Variants in CTNNA2 observed in about 807,000 individuals in gnomAD.
The protein encoded by CTNNA2 is catenin alpha 2, also known as catenin alpha-2.
Under a neutral mutation model 101.0 loss-of-function variants are expected in CTNNA2, and 42 were observed. The ratio of observed to expected loss-of-function variants is 0.42; its 90% CI spans 0.32 to 0.54. The LOEUF (loss-of-function observed/expected upper bound fraction) is 0.54, where lower values mean the gene tolerates loss of function less well. CTNNA2 is among the 20% of genes least tolerant of loss of function. CTNNA2 has a pLI of 0.14. For missense variants in CTNNA2, 871 were observed against 1,223.1 expected (o/e 0.71, Z 4.29); for synonymous variants, 450 against 456.4 (o/e 0.99, Z 0.18).
At chr2:79,925,949 C>A (rs35110775) in intron 7 of CTNNA2, among the ~76,000 whole-genome samples, 1 of 151,602 alleles carries the variant, frequency 6.6e-6, no homozygotes, top group Non-Finnish European at 1.5e-5. Context: ...TTTAGATTTT[C>A]GGCCAATCTG....
At chr2:79,193,639 C>A (rs1213595194) in intron 1 of CTNNA2, among the ~76,000 whole-genome samples, 2 of 152,138 alleles carry the variant, frequency 1.3e-5, no homozygotes, top group Non-Finnish European at 2.9e-5. Flanking sequence ...TTTTGACCTC[C>A]AATTTCAAAT....
At chr2:79,365,792 T>C (rs1328213423) in intron 3 of CTNNA2, among the ~76,000 whole-genome samples, 1 of 152,176 alleles carries the variant, frequency 6.6e-6, no homozygotes, top group African/African-American at 2.4e-5. Context: ...CAACTTTGCT[T>C]TGTACACTCT....
intron 9 of CTNNA2, among the ~76,000 whole-genome samples, chr2:80,462,682 T>G (rs1388056817): frequency 2.8e-5 from 4 of 142,010 alleles, no homozygotes; most frequent in African/African-American, 1.1e-4. Flanking sequence ...GGTCATCACT[T>G]CTCAGCCTAA....
At chr2:80,228,555 A>G (rs552389872) in intron 7 of CTNNA2, among the ~76,000 whole-genome samples, 1 of 152,234 alleles carries the variant, frequency 6.6e-6, no homozygotes, top group East Asian at 1.9e-4. Context: ...ATCTCATAAG[A>G]TTATAATACC....
In CTNNA2 at chr2:80,589,493, C is replaced by A. The variant is rs368120524; in HGVS notation, c.2189+8C>A. ...AATGACAGACTTCACAAGGTGAGGC[C>A]CAGAGCCAGGGAGCTGAAGATTTTT... is the stretch of plus-strand genomic sequence containing the variant. On this transcript the variant is annotated splice_region_variant and intron_variant, in intron 15 of 18. Transcript: ENST00000402739. 6.2e-7 allele frequency: 1 copy of A among 1,610,788 alleles called. No homozygotes were observed. Among genetic ancestry groups the A allele is most frequent in the Non-Finnish European group, 8.5e-7 (1 of 1,177,718 alleles).
At chr2:80,173,640 G>A (rs1348907578) in intron 7 of CTNNA2, among the ~76,000 whole-genome samples, 1 of 152,162 alleles carries the variant, frequency 6.6e-6, no homozygotes, top group Non-Finnish European at 1.5e-5. Context: ...ACGTTTTATG[G>A]GTTGGCCTGT....
chr2:79,539,868 GCTC>G, intron 1 of CTNNA2, among the ~76,000 whole-genome samples: 1 of 152,254 alleles, frequency 6.6e-6, no homozygotes, highest in East Asian at 1.9e-4. Context: ...TATCTTTAGA[GCTC>G]CTCCTGCTTA....
At chr2:80,420,297 T>G (rs1680415857) in intron 9 of CTNNA2, among the ~76,000 whole-genome samples, 1 of 152,028 alleles carries the variant, frequency 6.6e-6, no homozygotes, top group South Asian at 2.1e-4. Context: ...GTAGGATTAG[T>G]GATGTGGGGC....
intron 9 of CTNNA2, among the ~76,000 whole-genome samples, chr2:80,424,794 A>G (rs1032782723): frequency 2.0e-5 from 3 of 152,042 alleles, no homozygotes; most frequent in African/African-American, 7.2e-5. Flanking sequence ...TGCTTTTTGG[A>G]TGGTCTCAAT....
intron 4 of CTNNA2, among the ~76,000 whole-genome samples, chr2:79,500,358 A>G (rs1381405316): frequency 3.3e-5 from 5 of 152,154 alleles, no homozygotes; most frequent in Non-Finnish European, 7.4e-5. Flanking sequence ...CTTGTTTACC[A>G]CCATTTCTAT....
intron 7 of CTNNA2, among the ~76,000 whole-genome samples, chr2:80,193,805 C>T (rs865967695): frequency 6.6e-6 from 1 of 152,136 alleles, no homozygotes; most frequent in Non-Finnish European, 1.5e-5. Context: ...TTTCCCATAT[C>T]CAGCTGTTAA....
intron 7 of CTNNA2, among the ~76,000 whole-genome samples, chr2:79,958,873 G>A (rs1178965793): frequency 6.6e-6 from 1 of 151,818 alleles, no homozygotes; most frequent in Non-Finnish European, 1.5e-5. Flanking sequence ...TGTCTGTTGA[G>A]GATTCATTCA....
At chr2:80,056,109 T>C (rs1343214327) in intron 7 of CTNNA2, among the ~76,000 whole-genome samples, 1 of 152,140 alleles carries the variant, frequency 6.6e-6, no homozygotes, top group East Asian at 1.9e-4. Flanking sequence ...GAAATCCACA[T>C]TTCTGATGAG....
intron 4 of CTNNA2, among the ~76,000 whole-genome samples, chr2:79,400,732 T>C (rs553274964): frequency 6.6e-6 from 1 of 152,006 alleles, no homozygotes; most frequent in African/African-American, 2.4e-5. Context: ...TATAAAAATA[T>C]TTGAGGACAT....
At chr2:79,622,741 C>T (rs1679073871) in intron 1 of CTNNA2, among the ~76,000 whole-genome samples, 2 of 152,118 alleles carry the variant, frequency 1.3e-5, no homozygotes, top group African/African-American at 4.8e-5. Context: ...CCTCTGGCCT[C>T]GGACTTCTTC....
chr2:80,037,174 G>A (rs1695721421), intron 7 of CTNNA2, among the ~76,000 whole-genome samples: 1 of 152,144 alleles, frequency 6.6e-6, no homozygotes, highest in Admixed American at 6.5e-5. Flanking sequence ...AAGATGAAGG[G>A]GTGAGGGAAT....
At chr2:80,070,391 A>G (rs536123764) in intron 7 of CTNNA2, among the ~76,000 whole-genome samples, 1 of 152,240 alleles carries the variant, frequency 6.6e-6, no homozygotes, top group Admixed American at 6.5e-5. Flanking sequence ...GCATAAAGCA[A>G]CAGAAATTTG....
chr2:80,199,831 C>T (rs773251860), intron 7 of CTNNA2, among the ~76,000 whole-genome samples: 6 of 152,172 alleles, frequency 3.9e-5, no homozygotes, highest in Non-Finnish European at 8.8e-5. Context: ...GAAGAAAGGG[C>T]TATTAGCTCC....
chr2:79,309,532 C>T (rs529198995), intron 2 of CTNNA2, among the ~76,000 whole-genome samples: 3 of 152,236 alleles, frequency 2.0e-5, no homozygotes, highest in East Asian at 1.9e-4. Context: ...AGTTATAATA[C>T]TTTCCTTGTA....
Sources: gnomAD v4.1 joint callset for allele counts (sites outside exome capture counted in the v4.1 genomes callset) on GRCh38, gnomAD v4.1.1 for gene constraint, MANE v1.5 for transcripts, NCBI Gene and HGNC (gene_info 2026-07-23, HGNC 2026-07-21) for gene names.